NUP214: variants seen among roughly 807,000 people sequenced by gnomAD.
NUP214 encodes the protein nuclear pore complex protein Nup214.
In NUP214, 79 loss-of-function variants were observed where a neutral mutation model predicts 196.2. That is an observed-to-expected ratio of 0.40 (90% CI 0.34 to 0.49). The LOEUF (loss-of-function observed/expected upper bound fraction) is 0.49. Among genes scored for constraint, NUP214 ranks in the 20% least tolerant of loss-of-function variants. The pLI is 0.58. For synonymous variants in NUP214, 1,020 were observed against 990.5 expected (o/e 1.03, Z -0.56); for missense variants, 2,468 against 2,539.0 (o/e 0.97, Z 0.60).
At chr9:131,153,037 A>C (rs1832320936) in intron 17 of NUP214, 1 of 152,164 alleles carries the variant, frequency 6.6e-6, no homozygotes, top group East Asian at 1.9e-4. Context: ...TTGTAATCCC[A>C]AAATTCTGGG....
At chr9:131,205,701 T>TG (rs1419065467) in intron 30 of NUP214, among the ~76,000 whole-genome samples, 22 of 152,196 alleles carry the variant, frequency 1.4e-4, no homozygotes, top group African/African-American at 4.8e-4. Flanking sequence ...TTTTTGTTGT[T>TG]GTTTTGTTTT....
chr9:131,149,443 GC>G lies in NUP214; in HGVS notation c.2041-877del, dbSNP rs1165435989. Among the ~76,000 whole-genome samples, 3 of 149,668 alleles carry G rather than the reference GC, an allele frequency of 2.0e-5. No homozygotes were observed. In the Admixed American group the frequency reaches 2.0e-4, roughly 10 times the overall value. On this transcript the variant is annotated intron_variant, in intron 14 of 35. Transcript: ENST00000359428. ...AACCAGATGTTTGCACAAGCCCCAA[GC>G]CCCGAAGCATCCTAGATCCCTCTCT...
intron 31 of NUP214, 60 bp downstream of exon 31, chr9:131,215,428 G>T: frequency 9.4e-6 from 13 of 1,387,084 alleles, no homozygotes; most frequent in Non-Finnish European, 1.1e-5. Flanking sequence ...CATTCTTAGG[G>T]TGTTATCAAA....
chr9:131,227,631 C>G (rs1177991971), intron 32 of NUP214, among the ~76,000 whole-genome samples: 1 of 152,210 alleles, frequency 6.6e-6, no homozygotes, highest in Non-Finnish European at 1.5e-5. Flanking sequence ...TTCAGGGATT[C>G]TCCCTGAGAG....
At chr9:131,229,045 G>C (rs1301768909) in intron 33 of NUP214, 1 of 152,250 alleles carries the variant, frequency 6.6e-6, no homozygotes, top group Admixed American at 6.5e-5. Flanking sequence ...AGGAGGTGTC[G>C]ATGCCTGAAA....
intron 24 of NUP214, among the ~76,000 whole-genome samples, chr9:131,178,703 ATT>A (rs11454350): frequency 1.4e-4 from 20 of 141,250 alleles, no homozygotes; most frequent in African/African-American, 2.4e-4. Context: ...GTGCAGGTTG[ATT>A]TTTTTTTTTT....
chr9:131,180,508 A>C (rs551584550), intron 24 of NUP214, among the ~76,000 whole-genome samples: 1 of 152,156 alleles, frequency 6.6e-6, no homozygotes, highest in Non-Finnish European at 1.5e-5. Flanking sequence ...TAAGTATTTA[A>C]TTTTGCAGTT....
At chr9:131,127,433 T>C (rs1831396939) in intron 1 of NUP214, 91 bp from the exon 2 acceptor site, 1 of 1,000,544 alleles carries the variant, frequency 1.0e-6, no homozygotes, top group Non-Finnish European at 1.5e-6. Context: ...GTAATACATA[T>C]TTTTGTTGTA....
intron 17 of NUP214, among the ~76,000 whole-genome samples, chr9:131,155,879 A>C (rs1210603546): frequency 1.3e-5 from 2 of 152,122 alleles, no homozygotes; most frequent in Non-Finnish European, 2.9e-5. Flanking sequence ...TTTGGTGACT[A>C]TAGGCTTGTA....
At chr9:131,169,150 A>G (rs529031359) in intron 21 of NUP214, among the ~76,000 whole-genome samples, 33 of 148,256 alleles carry the variant, frequency 2.2e-4, no homozygotes, top group Non-Finnish European at 3.8e-4. Flanking sequence ...CTCCTGCCTC[A>G]GCTTCTTAAG....
At chr9:131,152,015 A>G (rs1211076991) in intron 17 of NUP214, 121 bp downstream of exon 17, 2 of 704,934 alleles carry the variant, frequency 2.8e-6, no homozygotes, top group African/African-American at 1.8e-5. Flanking sequence ...TTTTCTGCTT[A>G]TAATTTACCA....
In NUP214 at chr9:131,233,858, T is replaced by C. The variant is rs1834944451; in HGVS notation, c.*371T>C. 2 of 402,554 alleles carry C rather than the reference T, an allele frequency of 5.0e-6. No homozygotes were observed. The highest frequency in any genetic ancestry group is 4.9e-5 in the South Asian group (2 of 40,524). The allele number at this position is 402,554 out of a possible 1,614,324, so 24.9% of individuals were successfully genotyped here. On this transcript the variant is annotated 3_prime_UTR_variant, in exon 36 of 36. Coordinates refer to ENST00000359428, the MANE Select transcript of NUP214 (RefSeq NM_005085.4). Reference sequence around the variant, plus strand: ...TCGGGTGTTGATAAACAGCATCGAATGTGCCGTGGTCTCACTTGGACCTAG... The same window carrying C: ...TCGGGTGTTGATAAACAGCATCGAACGTGCCGTGGTCTCACTTGGACCTAG...
At chr9:131,194,479 T>C (rs997544143) in intron 27 of NUP214, among the ~76,000 whole-genome samples, 1 of 152,144 alleles carries the variant, frequency 6.6e-6, no homozygotes, top group African/African-American at 2.4e-5. Flanking sequence ...CTCAAAGGAT[T>C]AACCTGCCTC....
intron 12 of NUP214, 132 bp from the exon 13 acceptor site, chr9:131,145,997 A>G (rs1318773158): frequency 1.0e-5 from 9 of 866,092 alleles, no homozygotes; most frequent in Non-Finnish European, 1.4e-5. Context: ...TTGTTTCCTG[A>G]AGGCAAAAAG....
At chr9:131,181,399 G>C (rs1346101271) in intron 24 of NUP214, among the ~76,000 whole-genome samples, 5 of 152,096 alleles carry the variant, frequency 3.3e-5, no homozygotes, top group Non-Finnish European at 5.9e-5. Flanking sequence ...GGATTACATA[G>C]CTCAAACTGG....
intron 4 of NUP214, among the ~76,000 whole-genome samples, chr9:131,130,140 TTTTTTTTTTTG>T (rs1054394200): frequency 6.9e-5 from 7 of 101,846 alleles, no homozygotes; most frequent in South Asian, 8.0e-4. Context: ...TGGTTTTGTT[TTTTTTTTTTTG>T]TTTTTTTTTT....
intron 19 of NUP214, 89 bp downstream of exon 19, chr9:131,163,262 A>G: frequency 7.7e-7 from 1 of 1,306,416 alleles, no homozygotes; most frequent in Non-Finnish European, 1.0e-6. Flanking sequence ...ATGGGTTTGC[A>G]AGTGACTCTG....
chr9:131,135,101 T>A, intron 8 of NUP214, 97 bp downstream of exon 8: 1 of 869,288 alleles, frequency 1.2e-6, no homozygotes, highest in Non-Finnish European at 1.9e-6. Flanking sequence ...ATTGATTGAT[T>A]GATGGATTGG....
chr9:131,193,530 G>A (rs1473156333), intron 27 of NUP214, among the ~76,000 whole-genome samples: 1 of 147,394 alleles, frequency 6.8e-6, no homozygotes, highest in African/African-American at 2.5e-5. Flanking sequence ...AAGGTAATTT[G>A]CAGCAAATTT....
Sources: allele counts gnomAD v4.1 joint callset (sites outside exome capture counted in the v4.1 genomes callset), GRCh38; gene constraint gnomAD v4.1.1; transcripts MANE v1.5; gene names NCBI Gene and HGNC (gene_info 2026-07-23, HGNC 2026-07-21).